KDM4C: variants seen among roughly 807,000 people sequenced by gnomAD.
KDM4C encodes the protein lysine-specific demethylase 4C.
Under a neutral mutation model 129.3 loss-of-function variants are expected in KDM4C, and 81 were observed. That is an observed-to-expected ratio of 0.63 (90% CI 0.52 to 0.75). The LOEUF is 0.75. KDM4C is among the 30% of genes least tolerant of loss of function. The pLI is 0.00. For synonymous variants in KDM4C, 573 were observed against 456.1 expected, an observed-to-expected ratio of 1.26 and a Z score of -3.26; for missense variants, 1,457 against 1,304.0, an observed-to-expected ratio of 1.12 and a Z score of -1.81.
chr9:7,124,228 A>G (rs1839800605), intron 18 of KDM4C, among the ~76,000 whole-genome samples: 1 of 152,212 alleles, frequency 6.6e-6, no homozygotes. Context: ...AGGGCAAACA[A>G]TTTTTATTCA....
intron 4 of KDM4C, chr9:6,835,459 C>T (rs1014285236): frequency 1.5e-5 from 19 of 1,268,980 alleles, no homozygotes; most frequent in South Asian, 2.4e-5. Context: ...TGAGCTCAAG[C>T]ACTCTGTGTG....
chr9:6,725,241 T>C (rs1303239937), intron 1 of KDM4C, among the ~76,000 whole-genome samples: 4 of 151,850 alleles, frequency 2.6e-5, no homozygotes, highest in Non-Finnish European at 5.9e-5. Context: ...GAGCGCAGTG[T>C]GTTTGGAGAT....
intron 12 of KDM4C, among the ~76,000 whole-genome samples, chr9:6,994,301 C>T (rs566352335): frequency 6.6e-6 from 1 of 152,244 alleles, no homozygotes; most frequent in South Asian, 2.1e-4. Context: ...ATTTAGACAA[C>T]TTCTCCTTAC....
chr9:7,061,145 A>G lies in KDM4C; in HGVS notation c.2424+11945A>G, dbSNP rs183627716. 3.3e-5 allele frequency among the ~76,000 whole-genome samples: 5 copies of G among 152,346 alleles called. No homozygotes were observed. In the East Asian group the frequency reaches 7.7e-4, roughly 24 times the overall value. ...TCAATTTGCTTCGGTCAGTTGCACTATACAGATGTGTCCTTCTTCTCCCTC... is the reference window on the plus strand; with the variant it reads ...TCAATTTGCTTCGGTCAGTTGCACTGTACAGATGTGTCCTTCTTCTCCCTC... On this transcript the variant is annotated intron_variant, in intron 17 of 21. Transcript: ENST00000381309.
chr9:6,745,432 C>G (rs1817841585), intron 1 of KDM4C, among the ~76,000 whole-genome samples: 1 of 151,896 alleles, frequency 6.6e-6, no homozygotes, highest in Non-Finnish European at 1.5e-5. Context: ...GACCCTGTCT[C>G]TACAAAAAAT....
At chr9:6,883,394 G>A (rs187724486) in intron 6 of KDM4C, among the ~76,000 whole-genome samples, 14 of 152,286 alleles carry the variant, frequency 9.2e-5, no homozygotes, top group Non-Finnish European at 1.5e-5. Flanking sequence ...CCTTAGGCAT[G>A]GAGATCAATG....
At chr9:7,028,051 G>T (rs947436810) in intron 15 of KDM4C, among the ~76,000 whole-genome samples, 2 of 152,142 alleles carry the variant, frequency 1.3e-5, no homozygotes, top group Admixed American at 6.5e-5. Flanking sequence ...TGGAATTGAG[G>T]ACCCCAAGAT....
chr9:6,761,832 G>C (rs950257326), intron 1 of KDM4C, among the ~76,000 whole-genome samples: 1 of 151,694 alleles, frequency 6.6e-6, no homozygotes, highest in Non-Finnish European at 1.5e-5. Context: ...TTCTTTTTGA[G>C]ATGGAGTCTC....
chr9:7,169,920 C>T (rs1351995189), intron 21 of KDM4C, 30 bp downstream of exon 21: 2 of 1,613,294 alleles, frequency 1.2e-6, no homozygotes, highest in Non-Finnish European at 1.7e-6. Flanking sequence ...ACTTGGGGAC[C>T]TGCCAAGTGA....
intron 11 of KDM4C, 64 bp from the exon 12 acceptor site, chr9:6,990,351 GT>G (rs112486972): frequency 0.033 from 25,221 of 759,804 alleles, 3 homozygotes; most frequent in East Asian, 0.047. Flanking sequence ...GAACTGTAGG[GT>G]TTTTTTTTTT....
At chr9:7,162,805 G>A (rs959453276) in intron 19 of KDM4C, among the ~76,000 whole-genome samples, 14 of 151,990 alleles carry the variant, frequency 9.2e-5, no homozygotes, top group African/African-American at 2.7e-4. Flanking sequence ...GAAAGTGCAG[G>A]GTACAGCCTC....
intron 8 of KDM4C, among the ~76,000 whole-genome samples, chr9:6,901,758 A>G (rs1000151524): frequency 1.3e-5 from 2 of 152,206 alleles, no homozygotes; most frequent in African/African-American, 4.8e-5. Context: ...AATCTGCCAC[A>G]ATATGTGCTT....
At chr9:6,955,016 G>T (rs1174269295) in intron 8 of KDM4C, among the ~76,000 whole-genome samples, 2 of 152,206 alleles carry the variant, frequency 1.3e-5, no homozygotes, top group African/African-American at 4.8e-5. Flanking sequence ...GTTTGCTAAC[G>T]TGAACAATGA....
chr9:6,923,629 A>G (rs975439053), intron 8 of KDM4C, among the ~76,000 whole-genome samples: 1 of 152,236 alleles, frequency 6.6e-6, no homozygotes, highest in Non-Finnish European at 1.5e-5. Flanking sequence ...ATTACAGGCA[A>G]GTTCTTCAGA....
chr9:7,101,429 C>T (rs532272282), intron 17 of KDM4C, among the ~76,000 whole-genome samples: 3 of 152,284 alleles, frequency 2.0e-5, no homozygotes, highest in South Asian at 4.1e-4. Context: ...CAATGGCTCC[C>T]CTCATAGGTT....
chr9:6,931,862 A>G (rs751227771), intron 8 of KDM4C, among the ~76,000 whole-genome samples: 3 of 152,260 alleles, frequency 2.0e-5, no homozygotes, highest in Non-Finnish European at 4.4e-5. Context: ...GGAGCTATAT[A>G]TAAAAACTAT....
chr9:6,779,693 A>G (rs1477751757), intron 1 of KDM4C, among the ~76,000 whole-genome samples: 3 of 152,196 alleles, frequency 2.0e-5, no homozygotes, highest in Non-Finnish European at 4.4e-5. Flanking sequence ...ACACCAGTCA[A>G]TATCAAATCC....
chr9:7,004,400 T>C (rs1821279493), intron 12 of KDM4C, among the ~76,000 whole-genome samples: 1 of 152,234 alleles, frequency 6.6e-6, no homozygotes, highest in Admixed American at 6.5e-5. Context: ...AAAAAGCCTC[T>C]TTATTCCAGA....
intron 17 of KDM4C, among the ~76,000 whole-genome samples, chr9:7,095,786 G>C (rs866069194): frequency 1.3e-5 from 2 of 152,126 alleles, no homozygotes; most frequent in South Asian, 4.1e-4. Context: ...CTCTAGCAGG[G>C]TACAGTTGTA....
Sources: gnomAD v4.1 joint callset for allele counts (sites outside exome capture counted in the v4.1 genomes callset) on GRCh38, gnomAD v4.1.1 for gene constraint, MANE v1.5 for transcripts, NCBI Gene and HGNC (gene_info 2026-07-23, HGNC 2026-07-21) for gene names.